Variants in SHANK2 observed in about 807,000 individuals in gnomAD.
SHANK2 encodes the protein SH3 and multiple ankyrin repeat domains protein 2.
SHANK2 carries 43 observed loss-of-function variants against 133.7 expected under a neutral mutation model. The ratio of observed to expected loss-of-function variants is 0.32; its 90% CI spans 0.25 to 0.41. The LOEUF (loss-of-function observed/expected upper bound fraction) is 0.41, where lower values mean the gene tolerates loss of function less well. Ranked by LOEUF, SHANK2 falls within the 10% of genes least tolerant of loss-of-function variation. The pLI is 1.00. For missense variants in SHANK2, 1,994 were observed against 2,235.8 expected, an observed-to-expected ratio of 0.89 and a Z score of 2.18; for synonymous variants, 1,017 against 952.8, an observed-to-expected ratio of 1.07 and a Z score of -1.24.
intron 14 of SHANK2, among the ~76,000 whole-genome samples, chr11:70,724,898 C>T (rs1382468986): frequency 1.3e-5 from 2 of 152,144 alleles, no homozygotes; most frequent in Admixed American, 6.5e-5. Flanking sequence ...GCCCATACAC[C>T]CTACAGGGGA....
intron 25 of SHANK2, among the ~76,000 whole-genome samples, chr11:70,477,846 A>T (rs1452230282): frequency 6.6e-6 from 1 of 152,168 alleles, no homozygotes; most frequent in African/African-American, 2.4e-5. Flanking sequence ...CTCTTGGTTA[A>T]TCACATTGAT....
intron 6 of SHANK2, among the ~76,000 whole-genome samples, chr11:71,104,749 G>T (rs1951777218): frequency 6.6e-6 from 1 of 152,066 alleles, no homozygotes; most frequent in Non-Finnish European, 1.5e-5. Context: ...CCCTCTAACA[G>T]CACTGCTGGT....
At chr11:70,652,502 T>C (rs2061349599) in intron 17 of SHANK2, among the ~76,000 whole-genome samples, 1 of 152,044 alleles carries the variant, frequency 6.6e-6, no homozygotes, top group Non-Finnish European at 1.5e-5. Context: ...AAAGACAAGA[T>C]GATAATCAAT....
chr11:71,210,210 GTATA>G (rs71049962), intron 2 of SHANK2, among the ~76,000 whole-genome samples: 2,664 of 53,656 alleles, frequency 0.05, 78 homozygotes, highest in Admixed American at 0.053. Context: ...AAATCCACAG[GTATA>G]TATATATATA....
chr11:70,686,210 C>CCATA (rs1945146981), intron 15 of SHANK2, among the ~76,000 whole-genome samples: 1 of 128,510 alleles, frequency 7.8e-6, no homozygotes, highest in Admixed American at 7.6e-5. Flanking sequence ...ATCTATCCAT[C>CCATA]CATCCATCCA....
At chr11:70,556,348 C>T (rs1265674742) in intron 17 of SHANK2, among the ~76,000 whole-genome samples, 2 of 152,128 alleles carry the variant, frequency 1.3e-5, no homozygotes, top group African/African-American at 2.4e-5. Context: ...AAGCACTTAA[C>T]GTGCAGCCTG....
intron 14 of SHANK2, among the ~76,000 whole-genome samples, chr11:70,701,512 T>C (rs1020855269): frequency 6.6e-6 from 1 of 152,152 alleles, no homozygotes; most frequent in African/African-American, 2.4e-5. Flanking sequence ...GCCATTCTCA[T>C]GCCTCAGCCT....
chr11:70,699,628 ATTT>A (rs1555023180), intron 14 of SHANK2, among the ~76,000 whole-genome samples: 1 of 152,118 alleles, frequency 6.6e-6, no homozygotes, highest in Non-Finnish European at 1.5e-5. Flanking sequence ...AGGTGAAATC[ATTT>A]TTTCTTCCAC....
intron 11 of SHANK2, among the ~76,000 whole-genome samples, chr11:70,823,364 G>A (rs1333607901): frequency 3.5e-5 from 5 of 143,652 alleles, no homozygotes; most frequent in African/African-American, 1.3e-4. Context: ...ACTCATGGGG[G>A]ACAGAGGTGG....
At chr11:70,695,046 C>T (rs1555021939) in intron 15 of SHANK2, among the ~76,000 whole-genome samples, 1 of 152,158 alleles carries the variant, frequency 6.6e-6, no homozygotes, top group Non-Finnish European at 1.5e-5. Flanking sequence ...CAGGGATGAA[C>T]AACGATAATA....
intron 17 of SHANK2, among the ~76,000 whole-genome samples, chr11:70,565,471 C>T (rs900786822): frequency 3.3e-5 from 5 of 152,194 alleles, no homozygotes; most frequent in African/African-American, 1.2e-4. Context: ...TGGTCTTGAA[C>T]TACTGACCTT....
chr11:70,803,534 CTTG>C lies in SHANK2; in HGVS notation c.1663+3465_1663+3467del, dbSNP rs199823857. Among the ~76,000 whole-genome samples, 552 of 152,032 alleles carry C rather than the reference CTTG, an allele frequency of 3.6e-3. 4 individuals carry two copies. Among genetic ancestry groups the C allele is most frequent in the Middle Eastern group, 0.017 (5 of 294 alleles). ...GAATGCTGCAAAATCACCTGAGGAG[CTTG>C]TTAACTATTCAGATTCCCAGGCTGT... On this transcript the variant is annotated intron_variant, in intron 13 of 25. Transcript: ENST00000601538.
intron 1 of SHANK2, among the ~76,000 whole-genome samples, chr11:71,241,840 G>C (rs1346270014): frequency 6.6e-6 from 1 of 152,220 alleles, no homozygotes; most frequent in Non-Finnish European, 1.5e-5. Flanking sequence ...GTGGGTAAAA[G>C]ATCTCAGCTT....
chr11:71,095,489 T>C (rs947828376), intron 6 of SHANK2, among the ~76,000 whole-genome samples: 4 of 152,210 alleles, frequency 2.6e-5, no homozygotes, highest in African/African-American at 9.6e-5. Flanking sequence ...CTCTTAACGT[T>C]CCAGAAAAGT....
chr11:71,114,660 A>C (rs1555099996), intron 4 of SHANK2, among the ~76,000 whole-genome samples: 1 of 152,144 alleles, frequency 6.6e-6, no homozygotes, highest in Non-Finnish European at 1.5e-5. Flanking sequence ...CAGAGCAGGC[A>C]GGAGGAGCTA....
intron 17 of SHANK2, among the ~76,000 whole-genome samples, chr11:70,594,309 G>A (rs1554988828): frequency 6.6e-6 from 1 of 152,170 alleles, no homozygotes; most frequent in African/African-American, 2.4e-5. Flanking sequence ...ACACACGGTT[G>A]CCCTTGGTGC....
chr11:70,801,104 G>A (rs1423756212), intron 13 of SHANK2, among the ~76,000 whole-genome samples: 1 of 152,180 alleles, frequency 6.6e-6, no homozygotes. Context: ...GGAGGCACGT[G>A]AGCCCAGTGT....
intron 3 of SHANK2, among the ~76,000 whole-genome samples, chr11:71,128,128 C>T (rs114689656): frequency 0.028 from 4,274 of 152,308 alleles, 197 homozygotes; most frequent in African/African-American, 0.097. Context: ...ACTGGCCCTG[C>T]TCCCTTTCCT....
intron 3 of SHANK2, among the ~76,000 whole-genome samples, chr11:71,142,361 C>G (rs1418434515): frequency 1.3e-5 from 2 of 152,040 alleles, no homozygotes; most frequent in African/African-American, 4.8e-5. Flanking sequence ...ATTAGCCAGG[C>G]GTGGTGGCGC....
Sources: allele counts gnomAD v4.1 joint callset (sites outside exome capture counted in the v4.1 genomes callset), GRCh38; gene constraint gnomAD v4.1.1; transcripts MANE v1.5; gene names NCBI Gene and HGNC (gene_info 2026-07-23, HGNC 2026-07-21).